Variants in MBD5 observed in about 807,000 individuals in gnomAD.
The protein encoded by MBD5 is methyl-CpG binding domain protein 5, also known as methyl-CpG-binding domain protein 5.
A neutral mutation model predicts 117.3 loss-of-function variants in MBD5; 13 were observed. That is an observed-to-expected ratio of 0.11 (90% confidence interval 0.07 to 0.18). MBD5 has a LOEUF of 0.18. MBD5 is among the 10% of genes least tolerant of loss of function. MBD5 has a pLI of 1.00. For missense variants in MBD5, 1,879 were observed against 2,093.8 expected (o/e 0.90, Z 2.00); for synonymous variants, 727 against 766.4 (o/e 0.95, Z 0.85).
At chr2:148,423,008 T>C (rs1014467902) in intron 4 of MBD5, among the ~76,000 whole-genome samples, 6 of 152,124 alleles carry the variant, frequency 3.9e-5, no homozygotes, top group Non-Finnish European at 8.8e-5. Flanking sequence ...AAACACTCTT[T>C]AGGATATTAT....
intron 4 of MBD5, among the ~76,000 whole-genome samples, chr2:148,425,430 G>C (rs759494788): frequency 1.1e-4 from 17 of 152,192 alleles, no homozygotes; most frequent in Non-Finnish European, 2.4e-4. Flanking sequence ...GGACTAGACA[G>C]GTTCACAGCC....
intron 3 of MBD5, among the ~76,000 whole-genome samples, chr2:148,324,529 G>A (rs1161661037): frequency 6.6e-6 from 1 of 152,058 alleles, no homozygotes; most frequent in Non-Finnish European, 1.5e-5. Context: ...GTGCTTTGTA[G>A]TTCTTGAAGA....
At chr2:148,053,578 T>C (rs1264241306) in intron 1 of MBD5, among the ~76,000 whole-genome samples, 4 of 152,072 alleles carry the variant, frequency 2.6e-5, no homozygotes, top group Admixed American at 2.0e-4. Flanking sequence ...ATATAGTCTA[T>C]TTATCTTTAA....
chr2:148,402,203 A>C (rs6749083), intron 4 of MBD5, among the ~76,000 whole-genome samples: 79,640 of 151,828 alleles, frequency 0.52, 21,102 homozygotes, highest in East Asian at 0.75. Flanking sequence ...TATCCTCTTT[A>C]TTCCTAAACT....
intron 4 of MBD5, among the ~76,000 whole-genome samples, chr2:148,434,320 AC>A (rs759567811): frequency 2.0e-5 from 3 of 151,988 alleles, no homozygotes; most frequent in Non-Finnish European, 4.4e-5. Context: ...TTTCAAAGAA[AC>A]AAATTCTGGA....
intron 2 of MBD5, among the ~76,000 whole-genome samples, chr2:148,203,133 A>G (rs191255469): frequency 6.6e-6 from 1 of 152,098 alleles, no homozygotes; most frequent in African/African-American, 2.4e-5. Context: ...CTGTAAACTA[A>G]TGAATTTTTA....
intron 2 of MBD5, among the ~76,000 whole-genome samples, chr2:148,201,986 G>A (rs910671336): frequency 2.0e-5 from 3 of 152,146 alleles, no homozygotes; most frequent in East Asian, 1.9e-4. Flanking sequence ...TTCTCAGTCC[G>A]GTCCTTGGAT....
At position 148,248,688 on chromosome 2, in the gene MBD5, A is replaced by G. The variant is rs185755879; in HGVS notation, c.-680+15293A>G. Among the ~76,000 whole-genome samples the G allele has an allele frequency of 4.9e-3, 739 of 152,234 alleles. 5 individuals are homozygous for G. Among genetic ancestry groups the G allele is most frequent in the Admixed American group, 8.5e-3 (130 of 15,276 alleles). ...ATGAGATTAAAGATAATGATATGAC[A>G]TTCCTGAGGAAGAAGAATAAAGTAG... On this transcript the variant is annotated intron_variant, in intron 3 of 13. Transcript: ENST00000642680.
intron 4 of MBD5, among the ~76,000 whole-genome samples, chr2:148,444,942 A>G (rs1381201449): frequency 1.3e-5 from 2 of 150,914 alleles, no homozygotes; most frequent in Non-Finnish European, 2.9e-5. Flanking sequence ...TAATACCTGG[A>G]GTACATTTAT....
intron 4 of MBD5, among the ~76,000 whole-genome samples, chr2:148,404,326 A>G (rs1705013806): frequency 6.6e-6 from 1 of 151,888 alleles, no homozygotes; most frequent in Admixed American, 6.6e-5. Context: ...AACACTTCTG[A>G]ATATTCTACC....
At chr2:148,242,099 T>C (rs1700227019) in intron 3 of MBD5, among the ~76,000 whole-genome samples, 1 of 152,184 alleles carries the variant, frequency 6.6e-6, no homozygotes, top group Non-Finnish European at 1.5e-5. Flanking sequence ...TGTTCCTGTA[T>C]GTAAAGTGGA....
chr2:148,290,210 A>G (rs547269006), intron 3 of MBD5, among the ~76,000 whole-genome samples: 2 of 149,836 alleles, frequency 1.3e-5, no homozygotes, highest in South Asian at 4.3e-4. Context: ...TACCTGCCTC[A>G]GCCTCCCAAA....
chr2:148,339,342 G>A (rs768949846), intron 3 of MBD5, among the ~76,000 whole-genome samples: 7 of 152,094 alleles, frequency 4.6e-5, no homozygotes, highest in Non-Finnish European at 7.4e-5. Context: ...ATGGGCCAAA[G>A]TGAGTGGCCC....
At chr2:148,172,379 C>G (rs1326969491) in intron 1 of MBD5, among the ~76,000 whole-genome samples, 2 of 152,228 alleles carry the variant, frequency 1.3e-5, no homozygotes, top group Non-Finnish European at 2.9e-5. Context: ...CTCTTGTGAC[C>G]AGTCAAGTGT....
intron 1 of MBD5, among the ~76,000 whole-genome samples, chr2:148,035,916 G>A (rs2105629870): frequency 6.6e-6 from 1 of 152,238 alleles, no homozygotes; most frequent in Middle Eastern, 3.4e-3. Flanking sequence ...TGACACAAAA[G>A]TATTAACTGT....
intron 1 of MBD5, among the ~76,000 whole-genome samples, chr2:148,143,673 A>G (rs1697371918): frequency 2.6e-5 from 4 of 152,142 alleles, no homozygotes; most frequent in Admixed American, 2.6e-4. Flanking sequence ...TCATTGTTCA[A>G]TTCCAACCTA....
intron 4 of MBD5, among the ~76,000 whole-genome samples, chr2:148,386,081 G>A (rs1442953817): frequency 1.3e-5 from 2 of 151,552 alleles, no homozygotes; most frequent in Non-Finnish European, 2.9e-5. Context: ...TGCACGTTGT[G>A]CACATGTCCC....
At chr2:148,296,756 A>C (rs1404383505) in intron 3 of MBD5, 1 of 151,766 alleles carries the variant, frequency 6.6e-6, no homozygotes, top group Non-Finnish European at 1.5e-5. Flanking sequence ...ACCATTGCCC[A>C]ATTTTTTTTT....
intron 3 of MBD5, among the ~76,000 whole-genome samples, chr2:148,291,521 C>T (rs1253979130): frequency 6.6e-6 from 1 of 151,972 alleles, no homozygotes; most frequent in Non-Finnish European, 1.5e-5. Context: ...GAGAAAATAA[C>T]CAATTTTTTT....
Sources: allele counts gnomAD v4.1 joint callset (sites outside exome capture counted in the v4.1 genomes callset), GRCh38; gene constraint gnomAD v4.1.1; transcripts MANE v1.5; gene names NCBI Gene and HGNC (gene_info 2026-07-23, HGNC 2026-07-21).